ERC1: variants seen among roughly 807,000 people sequenced by gnomAD.
ERC1 encodes ELKS/RAB6-interacting/CAST family member 1.
Under a neutral mutation model 132.0 loss-of-function variants are expected in ERC1, and 56 were observed. That is an observed-to-expected ratio of 0.42 (90% CI 0.34 to 0.53). ERC1 has a LOEUF of 0.53. Among genes scored for constraint, ERC1 ranks in the 20% least tolerant of loss-of-function variants. ERC1 has a pLI of 0.03. For synonymous variants in ERC1, 478 were observed against 476.1 expected (o/e 1.00, Z -0.05); for missense variants, 1,202 against 1,349.9 (o/e 0.89, Z 1.72).
chr12:1,013,303 T>C (rs1964993816), intron 1 of ERC1, among the ~76,000 whole-genome samples: 1 of 152,136 alleles, frequency 6.6e-6, no homozygotes, highest in Non-Finnish European at 1.5e-5. Flanking sequence ...ACCTTGTGTT[T>C]ATTTCTAAGT....
intron 18 of ERC1, among the ~76,000 whole-genome samples, chr12:1,486,353 T>A (rs1163615370): frequency 6.6e-6 from 1 of 150,968 alleles, no homozygotes; most frequent in African/African-American, 2.5e-5. Flanking sequence ...TTCTAGGTGA[T>A]TTTTTTCTTG....
intron 12 of ERC1, among the ~76,000 whole-genome samples, chr12:1,201,170 C>T: frequency 6.6e-6 from 1 of 151,444 alleles, no homozygotes. Flanking sequence ...TCCTTTTTGT[C>T]ACAATGAAAT....
chr12:1,401,140 T>C (rs890668406), intron 16 of ERC1, among the ~76,000 whole-genome samples: 1 of 151,882 alleles, frequency 6.6e-6, no homozygotes, highest in Non-Finnish European at 1.5e-5. Flanking sequence ...TTTCACGTGT[T>C]AGCCAGGATG....
chr12:1,432,868 C>T (rs35517146), intron 17 of ERC1, among the ~76,000 whole-genome samples: 7,677 of 152,276 alleles, frequency 0.05, 256 homozygotes, highest in East Asian at 0.095. Context: ...CTCTAGTGAG[C>T]GTAGCCTCTG....
intron 12 of ERC1, among the ~76,000 whole-genome samples, chr12:1,198,484 C>A (rs1956553694): frequency 6.6e-6 from 1 of 152,138 alleles, no homozygotes. Context: ...ACATAAAATT[C>A]TTAGGGCTAG....
rs1555139579 is a variant in ERC1 at position 1,493,542 on chromosome 12, A to ATATATATATATATAT, written c.*3312_*3313insTATATATATATATAT. The ATATATATATATATAT allele has an allele frequency of 5.1e-4, 12 of 23,460 alleles. No homozygotes were observed. The highest frequency in any genetic ancestry group is 7.5e-4 in the Non-Finnish European group (8 of 10,728). 1.5% of individuals were successfully genotyped at this position (23,460 alleles called of 1,614,324 possible). ...ACAGAGACTCCATTTAAAAAAAAAA[A>ATATATATATATATAT]AAAAAAATATATATATATATATATA... On this transcript the variant is annotated 3_prime_UTR_variant, in exon 19 of 19. Transcript: ENST00000360905.
intron 14 of ERC1, among the ~76,000 whole-genome samples, chr12:1,268,816 G>C (rs1169863565): frequency 6.6e-6 from 1 of 152,152 alleles, no homozygotes; most frequent in Non-Finnish European, 1.5e-5. Context: ...TGTTCAACAT[G>C]TTCCATGTAG....
rs187460568 is a variant in ERC1 at position 1,347,812 on chromosome 12, G to A, written c.2781-24021G>A. Among the ~76,000 whole-genome samples, 4 of 152,126 alleles carry A rather than the reference G, an allele frequency of 2.6e-5. No homozygotes were observed. In the East Asian group the frequency reaches 7.7e-4, roughly 29 times the overall value. ...AGCCTGGCCAACATGGTGCAACCCC[G>A]TCTCTACTAAAAATACAAAAATTAG... On this transcript the variant is annotated intron_variant, in intron 15 of 18. Coordinates refer to ENST00000360905, the MANE Select transcript of ERC1 (RefSeq NM_178040.4).
chr12:1,023,858 A>C (rs933033547), intron 1 of ERC1, among the ~76,000 whole-genome samples: 6 of 152,174 alleles, frequency 3.9e-5, no homozygotes, highest in African/African-American at 1.4e-4. Flanking sequence ...TAGAGAGGAA[A>C]AGTGTTCATT....
At chr12:1,316,017 C>T (rs2081679645) in intron 15 of ERC1, among the ~76,000 whole-genome samples, 1 of 151,992 alleles carries the variant, frequency 6.6e-6, no homozygotes, top group African/African-American at 2.4e-5. Flanking sequence ...CCTCCCCCAG[C>T]AGCTGGGACT....
intron 15 of ERC1, among the ~76,000 whole-genome samples, chr12:1,335,649 C>T (rs1354216765): frequency 6.6e-6 from 1 of 152,028 alleles, no homozygotes; most frequent in Non-Finnish European, 1.5e-5. Context: ...GAGGATTTTG[C>T]ATTGACGTTC....
At chr12:1,209,759 G>A (rs1957690203) in intron 12 of ERC1, among the ~76,000 whole-genome samples, 1 of 152,180 alleles carries the variant, frequency 6.6e-6, no homozygotes. Context: ...TTGGTCTGTT[G>A]AGCGTGCTTT....
intron 15 of ERC1, among the ~76,000 whole-genome samples, chr12:1,324,330 G>A (rs2082311310): frequency 6.6e-6 from 1 of 152,162 alleles, no homozygotes; most frequent in Admixed American, 6.5e-5. Flanking sequence ...AACTGGGAGG[G>A]AAAAGAACCC....
At chr12:1,099,324 G>A (rs1214841876) in intron 3 of ERC1, among the ~76,000 whole-genome samples, 3 of 152,198 alleles carry the variant, frequency 2.0e-5, no homozygotes, top group Admixed American at 2.0e-4. Flanking sequence ...CTGCAGTGGT[G>A]TGTGGGCAGT....
At chr12:1,346,819 G>A (rs949886797) in intron 15 of ERC1, among the ~76,000 whole-genome samples, 1 of 151,648 alleles carries the variant, frequency 6.6e-6, no homozygotes, top group African/African-American at 2.4e-5. Flanking sequence ...GCGGGCGCCT[G>A]TAGTCCCAGC....
At chr12:1,437,088 G>A (rs1308250631) in intron 17 of ERC1, among the ~76,000 whole-genome samples, 5 of 152,134 alleles carry the variant, frequency 3.3e-5, no homozygotes, top group African/African-American at 1.2e-4. Flanking sequence ...GTGTTTTCTC[G>A]TCTTTGTTAA....
intron 1 of ERC1, among the ~76,000 whole-genome samples, chr12:992,106 C>T (rs1011153916): frequency 1.3e-5 from 2 of 152,098 alleles, no homozygotes; most frequent in African/African-American, 2.4e-5. Flanking sequence ...AACTTCGTTC[C>T]GGCAGCCACC....
At chr12:1,025,505 T>A (rs1281681549) in intron 1 of ERC1, among the ~76,000 whole-genome samples, 1 of 152,198 alleles carries the variant, frequency 6.6e-6, no homozygotes, top group African/African-American at 2.4e-5. Flanking sequence ...TTCTTTATGG[T>A]TTTTGCTTCT....
intron 14 of ERC1, among the ~76,000 whole-genome samples, chr12:1,273,138 C>T (rs968826231): frequency 6.6e-6 from 1 of 152,014 alleles, no homozygotes; most frequent in Non-Finnish European, 1.5e-5. Context: ...GGTTTTAGAA[C>T]GTTATCCTTA....
Sources: allele counts gnomAD v4.1 joint callset (sites outside exome capture counted in the v4.1 genomes callset), GRCh38; gene constraint gnomAD v4.1.1; transcripts MANE v1.5; gene names NCBI Gene and HGNC (gene_info 2026-07-23, HGNC 2026-07-21).